PRKCE: variants seen among roughly 807,000 people sequenced by gnomAD.
PRKCE encodes protein kinase C epsilon type.
A neutral mutation model predicts 85.4 loss-of-function variants in PRKCE; 16 were observed. The observed-to-expected ratio is 0.19, with a 90% CI of 0.13 to 0.28. The LOEUF (loss-of-function observed/expected upper bound fraction) is 0.28. Among genes scored for constraint, PRKCE ranks in the 10% least tolerant of loss-of-function variants. The pLI, the probability that PRKCE is intolerant of heterozygous loss-of-function variation, is 1.00. For missense variants in PRKCE, 573 were observed against 975.2 expected (o/e 0.59, Z 5.49); for synonymous variants, 388 against 371.5 (o/e 1.04, Z -0.51).
intron 1 of PRKCE, among the ~76,000 whole-genome samples, chr2:45,842,796 A>G (rs1347799129): frequency 1.3e-5 from 2 of 152,206 alleles, no homozygotes; most frequent in Admixed American, 1.3e-4. Flanking sequence ...CCCCCAGTTG[A>G]GAACCACTGG....
chr2:45,938,058 G>C (rs746016876), intron 2 of PRKCE, among the ~76,000 whole-genome samples: 1 of 152,124 alleles, frequency 6.6e-6, no homozygotes. Flanking sequence ...CTTCCCCTTC[G>C]GCCTCTTCTT....
chr2:45,980,376 G>A lies in PRKCE; in HGVS notation c.688G>A (p.Asp230Asn), dbSNP rs1372235727. 5.0e-6 allele frequency: 8 copies of A among 1,599,468 alleles called. No individual in the cohort carries two copies. Among genetic ancestry groups the A allele is most frequent in the Non-Finnish European group, 5.9e-6 (7 of 1,179,910 alleles). The change falls in exon 5 of 15, where the codon GAC (aspartate) becomes AAC (asparagine). Residue 230 changes from aspartate (D) to asparagine (N), a missense_variant. Around this residue, in one of 11 missense-constraint regions of PRKCE, gnomAD observed 18 missense variants for 17.4 expected, o/e 1.04. Transcript: ENST00000306156. The part of the protein sequence containing the change: ...CAGLKKQETP[D>N]QVGSQRFSVN... ...TGGGTTAAAGAAGCAGGAGACCCCC[G>A]ACCAGGTAAGTGTTGGTGACACGGA...
At chr2:46,027,668 A>G (rs918464177) in intron 10 of PRKCE, among the ~76,000 whole-genome samples, 1 of 152,224 alleles carries the variant, frequency 6.6e-6, no homozygotes, top group African/African-American at 2.4e-5. Flanking sequence ...GAACTTTAAC[A>G]AAAAACTGAG....
At chr2:45,705,585 G>T (rs928458151) in intron 1 of PRKCE, among the ~76,000 whole-genome samples, 2 of 152,160 alleles carry the variant, frequency 1.3e-5, no homozygotes, top group African/African-American at 4.8e-5. Flanking sequence ...AGGATTGTCT[G>T]TTTTTTTCCA....
Position 46,064,462 on chromosome 2 carries a change from C to A in PRKCE, c.1438-21746C>A, listed in dbSNP as rs566512937. Among the ~76,000 whole-genome samples, 8 of 152,228 alleles carry A rather than the reference C, an allele frequency of 5.3e-5. No individual in the cohort carries two copies. In the South Asian group the frequency reaches 1.7e-3, roughly 32 times the overall value. On this transcript the variant is annotated intron_variant, in intron 10 of 14. Coordinates refer to ENST00000306156, the MANE Select transcript of PRKCE (RefSeq NM_005400.3). ...TCAGATTTCCTTGCACTAATGGTTT[C>A]TTTAATAAATGATATTAGATGGTAA...
intron 1 of PRKCE, among the ~76,000 whole-genome samples, chr2:45,815,344 T>C (rs1273462560): frequency 1.3e-5 from 2 of 152,230 alleles, no homozygotes; most frequent in Admixed American, 6.5e-5. Context: ...TAGCAGGCAG[T>C]GATGCCAGAG....
intron 1 of PRKCE, among the ~76,000 whole-genome samples, chr2:45,794,850 C>CCA (rs1553413001): frequency 1.3e-5 from 2 of 151,224 alleles, no homozygotes; most frequent in Admixed American, 1.3e-4. Context: ...GCCCTACCCC[C>CCA]CCCCCCATCC....
chr2:46,113,345 TA>T (rs1672452269), intron 11 of PRKCE, among the ~76,000 whole-genome samples: 1 of 152,244 alleles, frequency 6.6e-6, no homozygotes, highest in African/African-American at 2.4e-5. Context: ...TATCTGAACT[TA>T]AAGAGGTTTT....
chr2:45,681,640 A>G (rs1268653683), intron 1 of PRKCE, among the ~76,000 whole-genome samples: 1 of 152,174 alleles, frequency 6.6e-6, no homozygotes, highest in Non-Finnish European at 1.5e-5. Context: ...TCTGCTGATT[A>G]TCTCTACCTG....
At chr2:45,833,545 C>A (rs1690609339) in intron 1 of PRKCE, among the ~76,000 whole-genome samples, 2 of 152,230 alleles carry the variant, frequency 1.3e-5, no homozygotes, top group Non-Finnish European at 2.9e-5. Context: ...TCCCAACACT[C>A]TGAAGCAGGT....
chr2:46,091,657 T>C (rs1050968404), intron 11 of PRKCE, among the ~76,000 whole-genome samples: 12 of 152,234 alleles, frequency 7.9e-5, no homozygotes, highest in African/African-American at 2.7e-4. Context: ...ATGATAGTTA[T>C]ACCTGTCTCA....
intron 2 of PRKCE, among the ~76,000 whole-genome samples, chr2:45,903,881 G>GTTTTTTTTTTTTTTTTT (rs34124689): frequency 1.7e-5 from 2 of 117,134 alleles, no homozygotes; most frequent in African/African-American, 7.4e-5. Flanking sequence ...TAGCCTGGCA[G>GTTTTTTTTTTTTTTTTT]TTTTTTTTTG....
intron 10 of PRKCE, chr2:46,010,738 A>G: frequency 6.3e-7 from 1 of 1,598,382 alleles, no homozygotes; most frequent in Non-Finnish European, 8.5e-7. Flanking sequence ...AGAGCTGTAG[A>G]ATTCTTTGCA....
At position 45,683,011 on chromosome 2, in the gene PRKCE, C is replaced by T. The variant is rs138927931; in HGVS notation, c.348+30563C>T. Among the ~76,000 whole-genome samples the T allele has an allele frequency of 2.7e-4, 41 of 152,222 alleles. 2 individuals are homozygous for T. The East Asian group carries it at 4.6e-3, about 17-fold the overall frequency. On this transcript the variant is annotated intron_variant, in intron 1 of 14. Coordinates refer to ENST00000306156, the MANE Select transcript of PRKCE (RefSeq NM_005400.3). Reference sequence around the variant, plus strand: ...CTCTTTACGAAAAAAGAATATTGTACGTCTTTTATTTATTTTTAATGGGGG... The same window carrying T: ...CTCTTTACGAAAAAAGAATATTGTATGTCTTTTATTTATTTTTAATGGGGG...
chr2:46,160,587 G>T (rs200473692), intron 14 of PRKCE, among the ~76,000 whole-genome samples: 17 of 147,550 alleles, frequency 1.2e-4, no homozygotes, highest in Admixed American at 7.5e-4. Context: ...GTGAAGGGGG[G>T]TGTGCAATGT....
chr2:45,743,994 G>T (rs780376411), intron 1 of PRKCE, among the ~76,000 whole-genome samples: 3,595 of 131,870 alleles, frequency 0.027, 117 homozygotes, highest in African/African-American at 0.11. Flanking sequence ...GCCGTTGTGT[G>T]TTTTTTTTTT....
chr2:46,041,340 A>G lies in PRKCE; in HGVS notation c.1437+30823A>G, dbSNP rs1181918520. Among the ~76,000 whole-genome samples the G allele has an allele frequency of 6.6e-6, 1 of 152,246 alleles. No individual in the cohort carries two copies. The highest frequency in any genetic ancestry group is 1.9e-4 in the East Asian group (1 of 5,208). On this transcript the variant is annotated intron_variant, in intron 10 of 14. Transcript: ENST00000306156. The surrounding 1 kb of genome is among the most constrained non-coding windows in gnomAD (Gnocchi z 5.5). Reference sequence around the variant, plus strand: ...CATTGGTTTTTCCTTCCATAAGTCAATATCTGATGCTTTGATTTTCTTAAG... The same window carrying G: ...CATTGGTTTTTCCTTCCATAAGTCAGTATCTGATGCTTTGATTTTCTTAAG...
chr2:45,848,877 A>T (rs900860962), intron 2 of PRKCE, among the ~76,000 whole-genome samples: 1 of 152,152 alleles, frequency 6.6e-6, no homozygotes, highest in Non-Finnish European at 1.5e-5. Context: ...ACCCAGGAAA[A>T]CTTCAAGAAA....
At chr2:45,809,570 T>C (rs1366812363) in intron 1 of PRKCE, among the ~76,000 whole-genome samples, 1 of 146,484 alleles carries the variant, frequency 6.8e-6, no homozygotes, top group Non-Finnish European at 1.5e-5. Flanking sequence ...GATAAATGTG[T>C]TTTTTTTTCT....
Sources: gnomAD v4.1 joint callset for allele counts (sites outside exome capture counted in the v4.1 genomes callset) on GRCh38, gnomAD v4.1.1 for gene constraint, gnomAD v4.1.1 regional missense constraint, Gnocchi (gnomAD v3.1) non-coding constraint, MANE v1.5 for transcripts, NCBI Gene and HGNC (gene_info 2026-07-23, HGNC 2026-07-21) for gene names.